DMGDH: variants seen among roughly 807,000 people sequenced by gnomAD.
DMGDH encodes dimethylglycine dehydrogenase.
DMGDH carries 76 observed loss-of-function variants against 95.2 expected under a neutral mutation model. That is an observed-to-expected ratio of 0.80 (90% CI 0.66 to 0.97). The LOEUF is 0.97. DMGDH is among the 50% of genes least tolerant of loss of function. The pLI, the probability that DMGDH is intolerant of heterozygous loss-of-function variation, is 0.00. For missense variants in DMGDH, 987 were observed against 1,055.0 expected (o/e 0.94, Z 0.89); for synonymous variants, 345 against 377.6 (o/e 0.91, Z 1.00).
chr5:79,006,852 C>CCCCCGCT (rs1554033743), intron 14 of DMGDH, among the ~76,000 whole-genome samples: 4 of 151,998 alleles, frequency 2.6e-5, no homozygotes, highest in Non-Finnish European at 4.4e-5. Flanking sequence ...GAGACCCCCC[C>CCCCCGCT]AGTCCATTCC....
chr5:79,045,654 T>C (rs1754650072), intron 5 of DMGDH, among the ~76,000 whole-genome samples: 1 of 152,008 alleles, frequency 6.6e-6, no homozygotes, highest in Non-Finnish European at 1.5e-5. Flanking sequence ...ATTAGATGAT[T>C]TGGGGGCAGG....
chr5:79,010,573 C>A (rs1322168491), intron 14 of DMGDH, among the ~76,000 whole-genome samples: 1 of 152,238 alleles, frequency 6.6e-6, no homozygotes, highest in African/African-American at 2.4e-5. Flanking sequence ...CCCAGCCCCA[C>A]TCTGCCACCC....
chr5:79,007,527 C>T (rs953446801), intron 14 of DMGDH, among the ~76,000 whole-genome samples: 6 of 152,048 alleles, frequency 3.9e-5, no homozygotes, highest in Non-Finnish European at 7.4e-5. Context: ...AGGAGACTTG[C>T]AATCATAGAA....
chr5:79,008,985 C>T (rs984461163), intron 14 of DMGDH, among the ~76,000 whole-genome samples: 2 of 151,994 alleles, frequency 1.3e-5, no homozygotes, highest in East Asian at 1.9e-4. Context: ...TAAACCTGCA[C>T]CTTTAGATTT....
chr5:79,038,388 G>A (rs1754407258), intron 7 of DMGDH, among the ~76,000 whole-genome samples: 1 of 152,134 alleles, frequency 6.6e-6, no homozygotes, highest in Non-Finnish European at 1.5e-5. Flanking sequence ...GGAGGCTGAA[G>A]CAAGAGAATT....
intron 14 of DMGDH, among the ~76,000 whole-genome samples, chr5:79,007,186 CATG>C (rs1161687519): frequency 2.0e-5 from 3 of 152,192 alleles, no homozygotes; most frequent in Admixed American, 2.0e-4. Context: ...AGGATAAATT[CATG>C]ATAACAAGTC....
intron 5 of DMGDH, among the ~76,000 whole-genome samples, chr5:79,050,397 T>C (rs975192886): frequency 2.4e-4 from 37 of 151,558 alleles, no homozygotes; most frequent in African/African-American, 8.5e-4. Context: ...ATAATAAAGA[T>C]TGTTTTCATT....
At chr5:79,024,057 C>A (rs533776555) in intron 14 of DMGDH, among the ~76,000 whole-genome samples, 1 of 152,308 alleles carries the variant, frequency 6.6e-6, no homozygotes, top group East Asian at 1.9e-4. Context: ...ATGCTGGATT[C>A]TGCTATCTTA....
intron 7 of DMGDH, among the ~76,000 whole-genome samples, chr5:79,040,256 A>C (rs1487681682): frequency 6.6e-6 from 1 of 152,178 alleles, no homozygotes; most frequent in Non-Finnish European, 1.5e-5. Context: ...TTAGTACTAG[A>C]GAATTGGAGA....
At chr5:79,011,350 C>T (rs1414321280) in intron 14 of DMGDH, among the ~76,000 whole-genome samples, 2 of 152,178 alleles carry the variant, frequency 1.3e-5, no homozygotes, top group Non-Finnish European at 2.9e-5. Flanking sequence ...AGCACCAAAC[C>T]TTAAACCCAA....
intron 7 of DMGDH, among the ~76,000 whole-genome samples, chr5:79,039,429 T>C (rs920629346): frequency 6.6e-6 from 1 of 151,770 alleles, no homozygotes; most frequent in African/African-American, 2.4e-5. Flanking sequence ...AAATTGGAAA[T>C]CATCATTCTC....
intron 15 of DMGDH, among the ~76,000 whole-genome samples, chr5:78,998,779 G>A (rs1468791483): frequency 6.6e-6 from 1 of 152,194 alleles, no homozygotes; most frequent in African/African-American, 2.4e-5. Flanking sequence ...GAACCCGGGA[G>A]GTGGAGGTTG....
At chr5:79,021,496 G>A (rs906525019) in intron 14 of DMGDH, 43 of 1,266,062 alleles carry the variant, frequency 3.4e-5, no homozygotes, top group Non-Finnish European at 4.4e-5. Context: ...CTCCAAGACG[G>A]AAGGAAGCAA....
At chr5:79,026,208 A>G (rs1644407147) in intron 13 of DMGDH, among the ~76,000 whole-genome samples, 1 of 152,220 alleles carries the variant, frequency 6.6e-6, no homozygotes, top group South Asian at 2.1e-4. Flanking sequence ...GCCAACTAGG[A>G]TGAATTAAGG....
chr5:79,023,457 C>T (rs559627082), intron 14 of DMGDH, among the ~76,000 whole-genome samples: 1 of 152,298 alleles, frequency 6.6e-6, no homozygotes, highest in South Asian at 2.1e-4. Flanking sequence ...TCATGATATG[C>T]TTTTCCACTA....
chr5:79,017,876 T>C (rs1383190117), intron 14 of DMGDH, among the ~76,000 whole-genome samples: 1 of 152,120 alleles, frequency 6.6e-6, no homozygotes, highest in African/African-American at 2.4e-5. Flanking sequence ...TCAAGCAAAT[T>C]TTGGTACCCT....
chr5:78,999,456 G>A (rs1413361795), intron 15 of DMGDH, among the ~76,000 whole-genome samples: 1 of 151,972 alleles, frequency 6.6e-6, no homozygotes, highest in African/African-American at 2.4e-5. Flanking sequence ...CCAGCCTCCC[G>A]AGTGGCTGGG....
chr5:79,035,657 T>A (rs1754327747), intron 7 of DMGDH, among the ~76,000 whole-genome samples: 1 of 146,224 alleles, frequency 6.8e-6, no homozygotes, highest in African/African-American at 2.5e-5. Context: ...GCCTGGCTGC[T>A]ATACCATCAT....
intron 14 of DMGDH, among the ~76,000 whole-genome samples, chr5:79,008,237 C>T (rs1018852346): frequency 2.0e-5 from 3 of 152,108 alleles, no homozygotes; most frequent in East Asian, 1.9e-4. Context: ...GACCCAGTTC[C>T]GCCTGGGATG....
Sources: gnomAD v4.1 joint callset for allele counts (sites outside exome capture counted in the v4.1 genomes callset) on GRCh38, gnomAD v4.1.1 for gene constraint, MANE v1.5 for transcripts, NCBI Gene and HGNC (gene_info 2026-07-23, HGNC 2026-07-21) for gene names.